The following SPTA1 variants were observed in gnomAD, a reference collection of about 807,000 sequenced individuals.
SPTA1 encodes the protein spectrin alpha, erythrocytic 1.
In SPTA1, 177 loss-of-function variants were observed where a neutral mutation model predicts 324.7. The observed-to-expected ratio is 0.55, with a 90% CI of 0.48 to 0.62. SPTA1 has a LOEUF of 0.62. SPTA1 is among the 20% of genes least tolerant of loss of function. The pLI is 0.00. For missense variants in SPTA1, 3,162 were observed against 2,883.6 expected (o/e 1.10, Z -2.21); for synonymous variants, 1,195 against 1,041.3 (o/e 1.15, Z -2.84).
rs763654954 is a variant in SPTA1, at chr1:158,657,463, C to T, written c.2805+14G>A. ...TGTTGAGGATTCACAATGTTAAACC[C>T]ACCCCCACCTTACCCCAGCTGCTTC... On this transcript the variant is annotated intron_variant, in intron 19 of 51. Coordinates refer to ENST00000643759, the MANE Select transcript of SPTA1 (RefSeq NM_003126.4). 23 of 1,495,734 alleles carry T rather than the reference C, an allele frequency of 1.5e-5. No individual in the cohort carries two copies. The highest frequency in any genetic ancestry group is 3.7e-6 in the Non-Finnish European group (4 of 1,075,912). The allele number at this position is 1,495,734 out of a possible 1,614,324, so 92.7% of individuals were successfully genotyped here.
rs551322104 is a variant in SPTA1, at chr1:158,656,473, G to A, written c.2898+91C>T. On this transcript the variant is annotated intron_variant, in intron 20 of 51. Transcript: ENST00000643759. ...GTGTTTTCTTTGCCATTGTTTTTGG[G>A]GTTGTAGAAAGTAAAAAATCAGCAA... 4.3e-6 allele frequency: 5 copies of A among 1,164,546 alleles called. No homozygotes were observed. The African/African-American group carries it at 4.6e-5, about 11-fold the overall frequency. 72.1% of individuals were successfully genotyped at this position (1,164,546 alleles called of 1,614,324 possible). A position where few individuals can be genotyped will look rare whatever the true frequency, so the allele number is the denominator to read the frequency against.
At position 158,657,560 on chromosome 1, in the gene SPTA1, G is replaced by A; in HGVS notation, c.2722C>T (p.Leu908=). 1 of 1,613,886 alleles carries A rather than the reference G, an allele frequency of 6.2e-7. No individual in the cohort carries two copies. Among genetic ancestry groups the A allele is most frequent in the East Asian group, 2.2e-5 (1 of 44,846 alleles). ...CTGATCCATGTTTCTGCTTCATGCA[G>A]GTCAGCCAGGTACTGCTGGAACTGG... The part of the protein sequence containing the change: ...NVQFQQYLAD[L]HEAETWIREK... The change falls in exon 19 of 52, where the codon CTG becomes TTG. Residue 908 remains leucine (L), a synonymous_variant. Transcript: ENST00000643759.
chr1:158,647,364 A>C (rs544580534), intron 27 of SPTA1, among the ~76,000 whole-genome samples, 175 bp downstream of exon 27: 1 of 152,196 alleles, frequency 6.6e-6, no homozygotes, highest in South Asian at 2.1e-4. Flanking sequence ...TATTCTTTCA[A>C]ACTTTGTATT....
At chr1:158,659,546 A>C (rs534488791) in intron 18 of SPTA1, among the ~76,000 whole-genome samples, 2 of 150,718 alleles carry the variant, frequency 1.3e-5, no homozygotes, top group East Asian at 3.9e-4. Flanking sequence ...ACTCCATTCT[A>C]TGCTTATAAA....
intron 30 of SPTA1, 84 bp from the exon 31 acceptor site, chr1:158,643,509 A>T: frequency 1.5e-6 from 2 of 1,317,622 alleles, no homozygotes; most frequent in East Asian, 2.4e-5. Flanking sequence ...GAAAAGAATG[A>T]AGGTATCCTT....
intron 36 of SPTA1, 38 bp downstream of exon 36, chr1:158,637,995 T>A: frequency 6.2e-7 from 1 of 1,600,118 alleles, no homozygotes; most frequent in Non-Finnish European, 8.6e-7. Context: ...ATCTACTCGC[T>A]TGTATTATCC....
Position 158,681,617 on chromosome 1 carries a change from G to T in SPTA1, c.441C>A (p.Thr147=). 6.2e-7 allele frequency: 1 copy of T among 1,613,668 alleles called. No individual in the cohort carries two copies. Among genetic ancestry groups the T allele is most frequent in the Non-Finnish European group, 8.5e-7 (1 of 1,179,782 alleles). ...GCAGCAACTGGTCACCCTTCTCCAG[G>T]GTCAGCTCTAACAGCAGGTCCCACA... ...RHLWDLLLEL[T]LEKGDQLLRA... The change falls in exon 4 of 52, where the codon ACC becomes ACA. Residue 147 remains threonine, a synonymous_variant. Coordinates refer to ENST00000643759, the MANE Select transcript of SPTA1 (RefSeq NM_003126.4).
intron 35 of SPTA1, 42 bp downstream of exon 35, chr1:158,639,540 T>G (rs2101817625): frequency 6.3e-7 from 1 of 1,597,018 alleles, no homozygotes; most frequent in East Asian, 2.2e-5. Flanking sequence ...GCCAGAAATA[T>G]TTCTATTCTG....
chr1:158,673,192 C>T (rs1654150371), intron 10 of SPTA1, among the ~76,000 whole-genome samples: 1 of 144,046 alleles, frequency 6.9e-6, no homozygotes. Flanking sequence ...CTTTTGAGTT[C>T]TGCTTTTTCT....
rs1433578771 is a variant in SPTA1 at position 158,644,381 on chromosome 1, A to G, written c.4210T>C (p.Cys1404Arg). 1 of 1,613,848 alleles carries G rather than the reference A, an allele frequency of 6.2e-7. No individual in the cohort carries two copies. Among genetic ancestry groups the G allele is most frequent in the Non-Finnish European group, 8.5e-7 (1 of 1,179,860 alleles). ...CLELQMFQGNCDQVESWMVAR... is the reference protein window; with the variant it reads ...CLELQMFQGNRDQVESWMVAR... The stretch of plus-strand genomic sequence containing the variant: ...ACCATCCAGCTCTCAACTTGATCAC[A>G]GTTCCCCTGGAACATCTATGAGGAA... Residue 1404 changes from cysteine to arginine, a missense_variant, in exon 30 of 52, where the codon TGT becomes CGT. Transcript: ENST00000643759.
At chr1:158,647,499 A>G in intron 27 of SPTA1, 40 bp downstream of exon 27, 1 of 1,610,980 alleles carries the variant, frequency 6.2e-7, no homozygotes, top group Non-Finnish European at 8.5e-7. Flanking sequence ...CAGACAGTCT[A>G]CTTAGAGGCC....
intron 2 of SPTA1, 95 bp from the exon 3 acceptor site, chr1:158,683,591 G>A: frequency 6.5e-7 from 1 of 1,539,674 alleles, no homozygotes; most frequent in Non-Finnish European, 8.9e-7. Flanking sequence ...GGTTCTCAAA[G>A]GGTCCCAGAC....
chr1:158,655,057 C>A (rs199774562), intron 20 of SPTA1, among the ~76,000 whole-genome samples: 1 of 152,130 alleles, frequency 6.6e-6, no homozygotes, highest in Admixed American at 6.5e-5. Flanking sequence ...AAGAAGTGTA[C>A]TCCCTTAAGA....
rs1654943256 is a variant in SPTA1, at chr1:158,683,364, C to T, written c.390+7G>A. 1 of 1,613,120 alleles carries T rather than the reference C, an allele frequency of 6.2e-7. No individual in the cohort carries two copies. Among genetic ancestry groups the T allele is most frequent in the African/African-American group, 1.3e-5 (1 of 74,966 alleles). On this transcript the variant is annotated splice_region_variant and intron_variant, in intron 3 of 51. Coordinates refer to ENST00000643759, the MANE Select transcript of SPTA1 (RefSeq NM_003126.4). ...TTGGAAACTTCTTCAAGGGCCCATA[C>T]ATATACCTTCGTTTCTTCGTGGGCA...
intron 25 of SPTA1, 52 bp from the exon 26 acceptor site, chr1:158,648,705 A>G: frequency 6.2e-7 from 1 of 1,604,516 alleles, no homozygotes; most frequent in Non-Finnish European, 8.5e-7. Context: ...TACCAGAGGC[A>G]GGCTAGTGGG....
chr1:158,634,460 A>T lies in SPTA1; in HGVS notation c.5565+83T>A, dbSNP rs569016564. On this transcript the variant is annotated intron_variant, in intron 39 of 51. Coordinates refer to ENST00000643759, the MANE Select transcript of SPTA1 (RefSeq NM_003126.4). ...CTTCTTTCACCAGAAAAATGTCCTA[A>T]TATTACAGGTAAAAACACTGACTAC... The T allele has an allele frequency of 5.9e-5, 93 of 1,566,136 alleles. 1 individual carries two copies. The Admixed American group carries it at 1.5e-3, about 25-fold the overall frequency.
At chr1:158,681,275 T>G (rs759357958) in intron 4 of SPTA1, among the ~76,000 whole-genome samples, 1 of 152,050 alleles carries the variant, frequency 6.6e-6, no homozygotes, top group Non-Finnish European at 1.5e-5. Flanking sequence ...TGAGCCTAAT[T>G]ATCTTTCAAT....
At position 158,685,290 on chromosome 1, in the gene SPTA1, G is replaced by C; in HGVS notation, c.82C>G (p.Arg28Gly). Residue 28 changes from arginine (R) to glycine (G), a missense_variant, in exon 2 of 52, where the codon CGT (arginine) becomes GGT (glycine). Arg to Gly is a moderately radical substitution (Grantham distance 125). Coordinates refer to ENST00000643759, the MANE Select transcript of SPTA1 (RefSeq NM_003126.4). ...LETAEEIQER[R>G]QEVLTRYQSF... is the part of the protein sequence containing the mutation. ...TGATACCGAGTCAACACTTCCTGAC[G>C]CCTCTCCTGGATCTCTTCTGCTGTT... 1 of 1,613,798 alleles carries C rather than the reference G, an allele frequency of 6.2e-7. No individual in the cohort carries two copies. The highest frequency in any genetic ancestry group is 8.5e-7 in the Non-Finnish European group (1 of 1,179,832).
rs764654941 is a variant in SPTA1 at position 158,620,432 on chromosome 1, G to A, written c.6155C>T (p.Ala2052Val). The A allele has an allele frequency of 6.2e-7, 1 of 1,613,428 alleles. No homozygotes were observed. The highest frequency in any genetic ancestry group is 8.5e-7 in the Non-Finnish European group (1 of 1,180,026). ...EDLFVEFAHK[A>V]SALNNWCEKM... is the part of the protein sequence containing the mutation. The stretch of plus-strand genomic sequence containing the variant: ...TTCACACCAGTTGTTCAAAGCTGAA[G>A]CCTTATGTGCAAATTCCACGAACAG... Residue 2052 changes from alanine to valine, a missense_variant, in exon 44 of 52, where the codon GCT becomes GTT. Transcript: ENST00000643759.
Sources: gnomAD v4.1 joint callset for allele counts (sites outside exome capture counted in the v4.1 genomes callset) on GRCh38, gnomAD v4.1.1 for gene constraint, MANE v1.5 for transcripts, NCBI Gene and HGNC (gene_info 2026-07-23, HGNC 2026-07-21) for gene names.